GNAQ: variants seen among roughly 807,000 people sequenced by gnomAD.
GNAQ encodes the protein guanine nucleotide-binding protein G(q) subunit alpha.
Under a neutral mutation model 43.9 loss-of-function variants are expected in GNAQ, and 8 were observed. The ratio of observed to expected loss-of-function variants is 0.18; its 90% CI spans 0.11 to 0.33. GNAQ has a LOEUF of 0.33. Among genes scored for constraint, GNAQ ranks in the 10% least tolerant of loss-of-function variants. The pLI, the probability that GNAQ is intolerant of heterozygous loss-of-function variation, is 1.00. For missense variants in GNAQ, 158 were observed against 450.8 expected (o/e 0.35, Z 5.88); for synonymous variants, 155 against 170.7 (o/e 0.91, Z 0.71).
intron 6 of GNAQ, among the ~76,000 whole-genome samples, chr9:77,724,764 T>C (rs928761532): frequency 8.5e-5 from 13 of 152,214 alleles, no homozygotes; most frequent in African/African-American, 3.1e-4. Context: ...TAATGTTGAA[T>C]TTTTGATGTA....
chr9:77,922,838 A>AT (rs375631452), intron 1 of GNAQ, among the ~76,000 whole-genome samples: 8 of 151,860 alleles, frequency 5.3e-5, no homozygotes, highest in East Asian at 1.9e-4. Context: ...TCCCTATTTT[A>AT]TTTTTTTTAG....
At chr9:77,789,796 A>G (rs919906410) in intron 5 of GNAQ, among the ~76,000 whole-genome samples, 50 of 152,348 alleles carry the variant, frequency 3.3e-4, no homozygotes, top group African/African-American at 1.1e-3. Flanking sequence ...TCCAATTTAT[A>G]TGCATACAAA....
chr9:77,826,414 T>A (rs1827198109), intron 2 of GNAQ, among the ~76,000 whole-genome samples: 1 of 152,204 alleles, frequency 6.6e-6, no homozygotes, highest in Admixed American at 6.5e-5. Context: ...TTTCTCAGCT[T>A]CCTGGCTAGA....
intron 2 of GNAQ, among the ~76,000 whole-genome samples, chr9:77,845,214 A>G (rs1165093414): frequency 1.3e-5 from 2 of 152,204 alleles, no homozygotes; most frequent in African/African-American, 4.8e-5. Context: ...CTAAAATGGT[A>G]TTACATTTCT....
intron 2 of GNAQ, among the ~76,000 whole-genome samples, chr9:77,913,159 G>A (rs994362925): frequency 6.6e-6 from 1 of 152,016 alleles, no homozygotes; most frequent in Admixed American, 6.6e-5. Flanking sequence ...CATACTTTCT[G>A]ACTCAGGAAT....
chr9:77,835,451 C>T (rs892487560), intron 2 of GNAQ, among the ~76,000 whole-genome samples: 5 of 152,040 alleles, frequency 3.3e-5, no homozygotes, highest in African/African-American at 7.2e-5. Context: ...TTAAATCTAA[C>T]GATTTAAAAA....
chr9:77,721,583 A>C, intron 6 of GNAQ, 70 bp from the exon 7 acceptor site: 1 of 888,780 alleles, frequency 1.1e-6, no homozygotes, highest in Non-Finnish European at 1.8e-6. Context: ...TCATTGGTTC[A>C]ATAAATACTG....
At chr9:77,840,854 C>G (rs1052259957) in intron 2 of GNAQ, among the ~76,000 whole-genome samples, 4 of 152,126 alleles carry the variant, frequency 2.6e-5, no homozygotes, top group African/African-American at 9.6e-5. Context: ...TTTATCTGAG[C>G]CCAGGGTCAC....
intron 2 of GNAQ, among the ~76,000 whole-genome samples, chr9:77,870,326 T>G (rs1263035695): frequency 5.1e-5 from 6 of 116,672 alleles, no homozygotes; most frequent in Non-Finnish European, 7.9e-5. Flanking sequence ...TGGTGCTAGT[T>G]TTTTTTTTTT....
At chr9:77,769,335 G>A (rs1197818246) in intron 5 of GNAQ, among the ~76,000 whole-genome samples, 9 of 151,860 alleles carry the variant, frequency 5.9e-5, no homozygotes. Flanking sequence ...CTGGGAAATG[G>A]AGGTTGCAGT....
intron 1 of GNAQ, among the ~76,000 whole-genome samples, chr9:77,959,821 G>A (rs1049381703): frequency 2.6e-5 from 4 of 152,108 alleles, no homozygotes; most frequent in Non-Finnish European, 4.4e-5. Context: ...TTCTACAGCA[G>A]AATTTTGGAA....
chr9:77,725,579 TAAAAAAAA>T (rs55766160), intron 6 of GNAQ, among the ~76,000 whole-genome samples: 10 of 57,160 alleles, frequency 1.7e-4, no homozygotes, highest in East Asian at 5.6e-4. Context: ...AAGGTAACAG[TAAAAAAAA>T]AAAAAAAAAA....
intron 1 of GNAQ, among the ~76,000 whole-genome samples, chr9:77,947,424 A>C (rs997640837): frequency 3.3e-5 from 5 of 152,144 alleles, no homozygotes; most frequent in African/African-American, 1.2e-4. Flanking sequence ...ATCCCATGTT[A>C]TCTCTAAATT....
intron 3 of GNAQ, among the ~76,000 whole-genome samples, chr9:77,813,271 T>C (rs556249843): frequency 6.6e-6 from 1 of 152,272 alleles, no homozygotes; most frequent in African/African-American, 2.4e-5. Flanking sequence ...TAGGGAAATG[T>C]AGAACTATTT....
At chr9:77,753,356 G>A (rs945280845) in intron 5 of GNAQ, among the ~76,000 whole-genome samples, 12 of 152,140 alleles carry the variant, frequency 7.9e-5, no homozygotes, top group African/African-American at 2.9e-4. Context: ...AATAGCTGCA[G>A]AAGGCACATC....
intron 2 of GNAQ, among the ~76,000 whole-genome samples, chr9:77,903,801 A>C (rs2118168764): frequency 6.6e-6 from 1 of 152,258 alleles, no homozygotes; most frequent in East Asian, 1.9e-4. Flanking sequence ...AATGCTCAAA[A>C]GTGAACTGCC....
At chr9:77,954,027 CT>C (rs1587428524) in intron 1 of GNAQ, among the ~76,000 whole-genome samples, 1 of 152,180 alleles carries the variant, frequency 6.6e-6, no homozygotes, top group East Asian at 1.9e-4. Context: ...AACATATTTT[CT>C]TCCAGAAAAA....
At chr9:78,030,099 T>C (rs1298591607) in intron 1 of GNAQ, among the ~76,000 whole-genome samples, 1 of 152,220 alleles carries the variant, frequency 6.6e-6, no homozygotes, top group East Asian at 1.9e-4. Context: ...ATTTTTCCTG[T>C]ATGCTTCCCG....
chr9:77,733,651 G>T (rs1222051870), intron 5 of GNAQ, among the ~76,000 whole-genome samples: 4 of 152,174 alleles, frequency 2.6e-5, no homozygotes, highest in African/African-American at 9.6e-5. Context: ...TTTGCCAACG[G>T]TTCAGTGGAC....
Sources: allele counts gnomAD v4.1 joint callset (sites outside exome capture counted in the v4.1 genomes callset), GRCh38; gene constraint gnomAD v4.1.1; transcripts MANE v1.5; gene names NCBI Gene and HGNC (gene_info 2026-07-23, HGNC 2026-07-21).